Variants in INVS observed in about 807,000 individuals in gnomAD.
INVS encodes the protein inversin, also known as inversion of embryo turning homolog.
INVS carries 86 observed loss-of-function variants against 108.8 expected under a neutral mutation model. The ratio of observed to expected loss-of-function variants is 0.79; its 90% CI spans 0.66 to 0.95. The LOEUF is 0.95. Among genes scored for constraint, INVS ranks in the 40% least tolerant of loss-of-function variants. INVS has a pLI of 0.00. For synonymous variants in INVS, 455 were observed against 473.5 expected, an observed-to-expected ratio of 0.96 and a Z score of 0.51; for missense variants, 1,169 against 1,297.4, an observed-to-expected ratio of 0.90 and a Z score of 1.52.
At chr9:100,143,805 A>G (rs1828510508) in intron 3 of INVS, among the ~76,000 whole-genome samples, 1 of 152,168 alleles carries the variant, frequency 6.6e-6, no homozygotes, top group East Asian at 1.9e-4. Flanking sequence ...GAGGCAAGGG[A>G]AACAGGCCCT....
chr9:100,295,188 ACTGT>A (rs1329466989), intron 14 of INVS, among the ~76,000 whole-genome samples: 8 of 152,182 alleles, frequency 5.3e-5, no homozygotes, highest in Admixed American at 1.3e-4. Flanking sequence ...TCCTTCTCCG[ACTGT>A]CTGACTCCTT....
chr9:100,147,340 G>C (rs1208756977), intron 3 of INVS, among the ~76,000 whole-genome samples: 1 of 152,030 alleles, frequency 6.6e-6, no homozygotes, highest in Non-Finnish European at 1.5e-5. Context: ...CCTTGGAATT[G>C]GTAAGCAACC....
intron 11 of INVS, among the ~76,000 whole-genome samples, chr9:100,271,723 ATGAG>A (rs1832962717): frequency 6.6e-6 from 1 of 152,172 alleles, no homozygotes; most frequent in Admixed American, 6.5e-5. Context: ...TTTCTCTTAA[ATGAG>A]TGAGGTTCAA....
At chr9:100,145,680 C>A (rs965021187) in intron 3 of INVS, among the ~76,000 whole-genome samples, 1 of 152,024 alleles carries the variant, frequency 6.6e-6, no homozygotes, top group African/African-American at 2.4e-5. Context: ...GGTGAAGGAC[C>A]AAGGCAGGCG....
At chr9:100,292,291 A>C in intron 13 of INVS, 35 bp from the exon 14 acceptor site, 1 of 1,570,428 alleles carries the variant, frequency 6.4e-7, no homozygotes, top group Non-Finnish European at 8.8e-7. Context: ...CTACTCTGCA[A>C]GTTTTGGACA....
At chr9:100,223,606 A>G (rs1039052380) in intron 3 of INVS, among the ~76,000 whole-genome samples, 5 of 152,228 alleles carry the variant, frequency 3.3e-5, no homozygotes, top group Middle Eastern at 3.2e-3. Context: ...AAACAAATAT[A>G]TATGTAATTG....
chr9:100,235,911 C>T (rs1249318819), intron 5 of INVS, among the ~76,000 whole-genome samples: 2 of 152,214 alleles, frequency 1.3e-5, no homozygotes, highest in African/African-American at 2.4e-5. Context: ...TGAATATTGG[C>T]CTGTCTTGCT....
At position 100,114,388 on chromosome 9, in the gene INVS, TTTC is replaced by T. The variant is rs1254746053; in HGVS notation, c.106+9764_106+9766del. ...ATATATGCCCTTTGAGGCAGATTTC[TTTC>T]TTTTTTTTTTTTTTTTTTTTTTTTT... is the stretch of plus-strand genomic sequence containing the variant. On this transcript the variant is annotated intron_variant, in intron 2 of 16. Coordinates refer to ENST00000262457, the MANE Select transcript of INVS (RefSeq NM_014425.5). Among the ~76,000 whole-genome samples, 219 of 136,334 alleles carry T rather than the reference TTTC, an allele frequency of 1.6e-3. 1 individual carries two copies. Among genetic ancestry groups the T allele is most frequent in the Non-Finnish European group, 2.6e-3 (169 of 65,226 alleles). 89.4% of individuals were successfully genotyped at this position (136,334 alleles called of 152,430 possible).
intron 3 of INVS, among the ~76,000 whole-genome samples, chr9:100,157,156 A>T (rs75781259): frequency 0.2 from 29,597 of 151,524 alleles, 4,670 homozygotes; most frequent in African/African-American, 0.44. Flanking sequence ...AAGAATATGT[A>T]TAGTAGAAAC....
chr9:100,175,853 C>T (rs1829695104), intron 3 of INVS: 2 of 650,630 alleles, frequency 3.1e-6, no homozygotes, highest in African/African-American at 1.8e-5. Flanking sequence ...CTGGAACAAT[C>T]CCTTCTATAG....
chr9:100,151,837 A>G (rs1395636713), intron 3 of INVS, among the ~76,000 whole-genome samples: 3 of 152,210 alleles, frequency 2.0e-5, no homozygotes, highest in Non-Finnish European at 4.4e-5. Flanking sequence ...TGTGATACCT[A>G]CAACAGAATA....
intron 12 of INVS, among the ~76,000 whole-genome samples, chr9:100,278,121 C>T (rs1053160416): frequency 6.7e-6 from 1 of 150,090 alleles, no homozygotes; most frequent in African/African-American, 2.5e-5. Context: ...CCTGTAGTCC[C>T]AGCTACTAGG....
chr9:100,190,837 T>A (rs568369526), intron 3 of INVS, among the ~76,000 whole-genome samples: 119 of 152,100 alleles, frequency 7.8e-4, no homozygotes, highest in African/African-American at 2.6e-3. Context: ...GATAATTATA[T>A]GCCTTGGTGA....
rs1161646455 is a variant in INVS at position 100,292,492 on chromosome 9, C to T, written c.2235C>T (p.Pro745=). The change falls in exon 14 of 17, where the codon CCC becomes CCT. Residue 745 remains proline (P), a synonymous_variant. Coordinates refer to ENST00000262457, the MANE Select transcript of INVS (RefSeq NM_014425.5). ...AGGGGAAAGGCTTCGTGAAGCAGCC[C>T]TCCTGTATCAGGGTGGCTGGGCCTG... ...CAKGKGFVKQ[P]SCIRVAGPDE... 1.1e-5 allele frequency: 17 copies of T among 1,614,142 alleles called. No homozygotes were observed. The highest frequency in any genetic ancestry group is 1.4e-5 in the Non-Finnish European group (17 of 1,180,028).
intron 3 of INVS, among the ~76,000 whole-genome samples, chr9:100,221,593 T>G (rs1444658186): frequency 6.6e-6 from 1 of 152,148 alleles, no homozygotes; most frequent in East Asian, 1.9e-4. Flanking sequence ...GCTGGCCTCC[T>G]CCCCAAGGTA....
intron 5 of INVS, among the ~76,000 whole-genome samples, chr9:100,238,044 A>G (rs921898037): frequency 2.0e-5 from 3 of 151,908 alleles, no homozygotes. Flanking sequence ...ACGCACAGCT[A>G]ATTTTTATAT....
chr9:100,202,255 C>A (rs1830554779), intron 3 of INVS, among the ~76,000 whole-genome samples: 1 of 152,156 alleles, frequency 6.6e-6, no homozygotes, highest in Admixed American at 6.5e-5. Flanking sequence ...GTATTAAAAT[C>A]TTTCCTGCCT....
intron 3 of INVS, among the ~76,000 whole-genome samples, chr9:100,136,225 C>A (rs757810481): frequency 1.3e-5 from 2 of 151,972 alleles, no homozygotes; most frequent in Non-Finnish European, 2.9e-5. Context: ...GGAGACAGTA[C>A]GAGTGATTGA....
In INVS at chr9:100,226,148, G is replaced by T. The variant is rs1564165860; in HGVS notation, c.360G>T (p.Leu120Phe). The stretch of plus-strand genomic sequence containing the variant: ...TGGAAGAGATGACTCCTTTGCACTT[G>T]ACCACCCGGCACAGGAGCCCTAAGT... ...KDLEEMTPLH[L>F]TTRHRSPKCL... The change falls in exon 4 of 17, where the codon TTG (leucine) becomes TTT (phenylalanine). Residue 120 changes from leucine to phenylalanine, a missense_variant. Around this residue, in one of 3 missense-constraint regions of INVS, gnomAD observed 365 missense variants for 397.5 expected, o/e 0.92. Transcript: ENST00000262457. 4 of 1,613,830 alleles carry T rather than the reference G, an allele frequency of 2.5e-6. No homozygotes were observed. Among genetic ancestry groups the T allele is most frequent in the Non-Finnish European group, 3.4e-6 (4 of 1,179,946 alleles).
Sources: gnomAD v4.1 joint callset for allele counts (sites outside exome capture counted in the v4.1 genomes callset) on GRCh38, gnomAD v4.1.1 for gene constraint, gnomAD v4.1.1 regional missense constraint, MANE v1.5 for transcripts, NCBI Gene and HGNC (gene_info 2026-07-23, HGNC 2026-07-21) for gene names.